The following SEMA5B variants were observed in gnomAD, a reference collection of about 807,000 sequenced individuals.
SEMA5B encodes the protein semaphorin-5B.
Under a neutral mutation model 135.0 loss-of-function variants are expected in SEMA5B, and 66 were observed. That is an observed-to-expected ratio of 0.49 (90% CI 0.40 to 0.60). SEMA5B has a LOEUF of 0.60. Among genes scored for constraint, SEMA5B ranks in the 20% least tolerant of loss-of-function variants. The pLI, the probability that SEMA5B is intolerant of heterozygous loss-of-function variation, is 0.00. For synonymous variants in SEMA5B, 690 were observed against 639.5 expected (o/e 1.08, Z -1.19); for missense variants, 1,501 against 1,566.3 (o/e 0.96, Z 0.70).
At chr3:122,956,571 T>G (rs1940317966) in intron 2 of SEMA5B, among the ~76,000 whole-genome samples, 1 of 151,972 alleles carries the variant, frequency 6.6e-6, no homozygotes, top group African/African-American at 2.4e-5. Context: ...GGGCGAAGGA[T>G]GACGGAGACA....
intron 1 of SEMA5B, among the ~76,000 whole-genome samples, chr3:122,980,460 CAAAA>C (rs34995253): frequency 1.0e-4 from 11 of 109,800 alleles, no homozygotes; most frequent in Non-Finnish European, 1.2e-4. Context: ...AAAGCCGTGT[CAAAA>C]AAAAAAAAAA....
At chr3:123,027,967 C>T (rs926982964), upstream of SEMA5B, among the ~76,000 whole-genome samples, 3 of 152,274 alleles carry the variant, frequency 2.0e-5, no homozygotes, top group East Asian at 1.9e-4. Context: ...CCGACTCCCG[C>T]CCCGGGCCTG....
chr3:122,911,269 A>C, intron 21 of SEMA5B: 1 of 1,347,306 alleles, frequency 7.4e-7, no homozygotes, highest in Non-Finnish European at 1.0e-6. Flanking sequence ...CAGAGGGTCT[A>C]GAGTCAGATG....
intron 12 of SEMA5B, among the ~76,000 whole-genome samples, chr3:122,916,416 AC>A (rs1938079180): frequency 6.6e-6 from 1 of 152,246 alleles, no homozygotes; most frequent in African/African-American, 2.4e-5. Context: ...ACATACCAAT[AC>A]CCGAGCCCAC....
chr3:122,992,321 C>T (rs73856794), intron 1 of SEMA5B, among the ~76,000 whole-genome samples: 501 of 152,276 alleles, frequency 3.3e-3, no homozygotes, highest in African/African-American at 0.011. Flanking sequence ...GGCTCCAGGA[C>T]GATGATGACA....
Position 122,961,280 on chromosome 3 carries a change from A to C in SEMA5B, c.-17T>G. 5.0e-6 allele frequency: 8 copies of C among 1,613,964 alleles called. No individual in the cohort carries two copies. The highest frequency in any genetic ancestry group is 6.8e-6 in the Non-Finnish European group (8 of 1,179,876). ...ACAGGGCATCCAAGAGACACAGGCC[A>C]GGCACCAGCTGGAACCACTCACTGA... On this transcript the variant is annotated 5_prime_UTR_variant, in exon 2 of 23. Coordinates refer to ENST00000357599, the MANE Select transcript of SEMA5B (RefSeq NM_001031702.4).
At position 122,921,880 on chromosome 3, in the gene SEMA5B, G is replaced by T. The variant is rs1267447375; in HGVS notation, c.1688+35C>A. The T allele has an allele frequency of 4.6e-6, 7 of 1,508,932 alleles. No homozygotes were observed. The East Asian group carries it at 1.7e-4, about 38-fold the overall frequency. 93.5% of individuals were successfully genotyped at this position (1,508,932 alleles called of 1,614,324 possible). A position where few individuals can be genotyped will look rare whatever the true frequency, so the allele number is the denominator to read the frequency against. Reference sequence around the variant, plus strand: ...CCGCCTCTTAAGCGCCTCCTCCGCAGTGGAGGCCTCGGGAGCCGCCCCGTC... The same window carrying T: ...CCGCCTCTTAAGCGCCTCCTCCGCATTGGAGGCCTCGGGAGCCGCCCCGTC... On this transcript the variant is annotated intron_variant, in intron 12 of 22. Transcript: ENST00000357599.
At chr3:122,962,334 A>C (rs1189962400) in intron 1 of SEMA5B, among the ~76,000 whole-genome samples, 1 of 152,240 alleles carries the variant, frequency 6.6e-6, no homozygotes, top group African/African-American at 2.4e-5. Flanking sequence ...CCGGCCAGTC[A>C]TGGCCACATG....
intron 1 of SEMA5B, among the ~76,000 whole-genome samples, chr3:122,975,546 G>A (rs1247481905): frequency 6.6e-6 from 1 of 152,168 alleles, no homozygotes; most frequent in Non-Finnish European, 1.5e-5. Context: ...TCTCTCAACC[G>A]TAAAACCACA....
intron 2 of SEMA5B, among the ~76,000 whole-genome samples, chr3:122,953,438 AT>A (rs1940144813): frequency 6.6e-6 from 1 of 152,132 alleles, no homozygotes; most frequent in Non-Finnish European, 1.5e-5. Flanking sequence ...TTCTCATTAG[AT>A]TTTTATGTAA....
chr3:122,980,170 C>T (rs944469600), intron 1 of SEMA5B, among the ~76,000 whole-genome samples: 3 of 152,086 alleles, frequency 2.0e-5, no homozygotes, highest in Admixed American at 1.3e-4. Context: ...TCTAAAGGAC[C>T]AAGGAATTGG....
chr3:122,998,489 G>A (rs1942082794), intron 1 of SEMA5B, among the ~76,000 whole-genome samples: 1 of 152,188 alleles, frequency 6.6e-6, no homozygotes, highest in Admixed American at 6.5e-5. Flanking sequence ...AGATGTGAGA[G>A]GATTCCACAA....
intron 1 of SEMA5B, among the ~76,000 whole-genome samples, chr3:122,967,477 C>G (rs923129092): frequency 2.0e-5 from 3 of 152,192 alleles, no homozygotes; most frequent in Non-Finnish European, 2.9e-5. Context: ...TAATGGTTCA[C>G]ACCTGCAACC....
chr3:122,951,167 A>T (rs1014231140), intron 2 of SEMA5B, among the ~76,000 whole-genome samples: 3 of 152,202 alleles, frequency 2.0e-5, no homozygotes, highest in Non-Finnish European at 2.9e-5. Context: ...AGGTTTTGAT[A>T]TGGAAAAATA....
intron 2 of SEMA5B, among the ~76,000 whole-genome samples, chr3:122,957,421 G>A (rs980881268): frequency 4.6e-5 from 7 of 152,238 alleles, no homozygotes; most frequent in Non-Finnish European, 5.9e-5. Context: ...GCTGGAAGCC[G>A]TGTGGCCCAC....
At position 122,927,771 on chromosome 3, in the gene SEMA5B, G is replaced by A. The variant is rs756036447; in HGVS notation, c.850+19C>T. ...CAAAACCAGGGGAGTCCCCACCCCT[G>A]GCACTGGGGCCTCCTTACCATTAAG... is the stretch of plus-strand genomic sequence containing the variant. On this transcript the variant is annotated intron_variant, in intron 8 of 22. Transcript: ENST00000357599. 2 of 1,391,808 alleles carry A rather than the reference G, an allele frequency of 1.4e-6. No individual in the cohort carries two copies. The highest frequency in any genetic ancestry group is 5.6e-5 in the Admixed American group (2 of 35,604). 86.2% of individuals were successfully genotyped at this position (1,391,808 alleles called of 1,614,324 possible).
chr3:122,961,236 C>T lies in SEMA5B; in HGVS notation c.28G>A (p.Val10Ile). 6.2e-7 allele frequency: 1 copy of T among 1,614,056 alleles called. No individual in the cohort carries two copies. The highest frequency in any genetic ancestry group is 2.2e-5 in the East Asian group (1 of 44,880). ...GGCCCAGGGACGAGGTGGTGGGCAA[C>T]AGGAGACGGACTGAAGCCACAGGGC... MPCGFSPSP[V>I]AHHLVPGPPD... is the part of the protein sequence containing the mutation. Residue 10 changes from valine (V) to isoleucine (I), a missense_variant, in exon 2 of 23, where the codon GTT (valine) becomes ATT (isoleucine). By Grantham distance (29) the Val-to-Ile change is conservative (BLOSUM62 3). Around this residue, in one of 2 missense-constraint regions of SEMA5B, gnomAD observed 574 missense variants for 684.7 expected, o/e 0.84. Transcript: ENST00000357599.
At position 122,927,908 on chromosome 3, in the gene SEMA5B, C is replaced by A. The variant is rs144152379; in HGVS notation, c.732G>T (p.Gln244His). 1.1e-5 allele frequency: 17 copies of A among 1,595,248 alleles called. No individual in the cohort carries two copies. The African/African-American group carries it at 2.2e-4, about 20-fold the overall frequency. The change falls in exon 8 of 23, where the codon CAG (glutamine) becomes CAT (histidine). Residue 244 changes from glutamine (Q) to histidine (H), a missense_variant. Physicochemically the swap from Gln to His is conservative, Grantham distance 24. Around this residue, in one of 2 missense-constraint regions of SEMA5B, gnomAD observed 574 missense variants for 684.7 expected, o/e 0.84. Transcript: ENST00000357599. ...RHNSTAVISS[Q>H]GELYAATVID... ...TGACCGTGGCTGCATAGAGCTCCCC[C>A]TGGGAGGAGATGACAGCTGTGGAGT...
At chr3:122,962,140 G>T (rs1029751078) in intron 1 of SEMA5B, among the ~76,000 whole-genome samples, 3 of 152,260 alleles carry the variant, frequency 2.0e-5, no homozygotes, top group Admixed American at 2.0e-4. Flanking sequence ...GCATCGTAAG[G>T]CACCATATTC....
Sources: allele counts gnomAD v4.1 joint callset (sites outside exome capture counted in the v4.1 genomes callset), GRCh38; gene constraint gnomAD v4.1.1; regional missense constraint gnomAD v4.1.1; transcripts MANE v1.5; gene names NCBI Gene and HGNC (gene_info 2026-07-23, HGNC 2026-07-21).